PPP2R5C: variants seen among roughly 807,000 people sequenced by gnomAD.
PPP2R5C encodes protein phosphatase 2 regulatory subunit B'gamma, also known as serine/threonine-protein phosphatase 2A 56 kDa regulatory subunit gamma isoform.
Under a neutral mutation model 68.9 loss-of-function variants are expected in PPP2R5C, and 7 were observed. That is an observed-to-expected ratio of 0.10 (90% CI 0.06 to 0.19). PPP2R5C has a LOEUF of 0.19. Among genes scored for constraint, PPP2R5C ranks in the 10% least tolerant of loss-of-function variants. PPP2R5C has a pLI of 1.00. For missense variants in PPP2R5C, 348 were observed against 641.3 expected, an observed-to-expected ratio of 0.54 and a Z score of 4.94; for synonymous variants, 210 against 222.2, an observed-to-expected ratio of 0.95 and a Z score of 0.49.
At chr14:101,775,061 C>G (rs544302854) in intron 2 of PPP2R5C, among the ~76,000 whole-genome samples, 1 of 152,190 alleles carries the variant, frequency 6.6e-6, no homozygotes, top group Non-Finnish European at 1.5e-5. Flanking sequence ...GAATCCAAAT[C>G]GGGTTCAGCA....
intron 3 of PPP2R5C, among the ~76,000 whole-genome samples, chr14:101,789,391 G>A (rs2038260022): frequency 2.0e-5 from 3 of 152,310 alleles, no homozygotes; most frequent in South Asian, 4.1e-4. Context: ...GACTCTTCCC[G>A]GACCCATGCA....
chr14:101,925,310 C>A (rs746838961), exon 14 of PPP2R5C: 15 of 1,607,178 alleles, frequency 9.3e-6, no homozygotes, highest in Non-Finnish European at 1.1e-5. Flanking sequence ...CCCGCCAGTT[C>A]TTTTCCGGAT....
intron 8 of PPP2R5C, among the ~76,000 whole-genome samples, chr14:101,897,430 C>T (rs114833434): frequency 0.011 from 1,559 of 148,096 alleles, 28 homozygotes; most frequent in African/African-American, 0.036. Context: ...GACAGGATCT[C>T]GCTCTGTCAC....
At chr14:101,808,028 C>T (rs1019983404), upstream of PPP2R5C, among the ~76,000 whole-genome samples, 3 of 150,772 alleles carry the variant, frequency 2.0e-5, no homozygotes, top group Non-Finnish European at 4.4e-5. Flanking sequence ...TGCTCCTGGG[C>T]TCCTTCCTGA....
intron 3 of PPP2R5C, among the ~76,000 whole-genome samples, chr14:101,793,597 C>T (rs2140103319): frequency 6.6e-6 from 1 of 152,286 alleles, no homozygotes; most frequent in Middle Eastern, 3.4e-3. Flanking sequence ...TTCAGGGGTC[C>T]CTGTGATCCC....
At chr14:101,890,413 G>C in intron 6 of PPP2R5C, 117 bp downstream of exon 8, 1 of 960,926 alleles carries the variant, frequency 1.0e-6, no homozygotes, top group Non-Finnish European at 1.6e-6. Context: ...TTCTCTAAAA[G>C]AATTCAAATA....
At chr14:101,809,976 G>T (rs1185284111) in exon 1 of PPP2R5C, 1 of 1,613,926 alleles carries the variant, frequency 6.2e-7, no homozygotes, top group East Asian at 2.2e-5. Flanking sequence ...CAGCAGGATG[G>T]TGGTGGATGC....
At chr14:101,775,211 C>T (rs896933347) in intron 2 of PPP2R5C, among the ~76,000 whole-genome samples, 4 of 152,138 alleles carry the variant, frequency 2.6e-5, no homozygotes, top group Non-Finnish European at 4.4e-5. Flanking sequence ...CGGCCCTGCC[C>T]AACTGAACAA....
At chr14:101,904,236 G>A (rs2045890667) in intron 9 of PPP2R5C, among the ~76,000 whole-genome samples, 1 of 152,096 alleles carries the variant, frequency 6.6e-6, no homozygotes, top group Non-Finnish European at 1.5e-5. Context: ...TGCAACCTCT[G>A]CCTCCCAGGT....
Position 101,762,666 on chromosome 14 carries a change from T to A in PPP2R5C, c.28-239T>A, listed in dbSNP as rs534672907. Among the ~76,000 whole-genome samples, 71 of 152,142 alleles carry A rather than the reference T, an allele frequency of 4.7e-4. 1 individual carries two copies. Among genetic ancestry groups the A allele is most frequent in the Non-Finnish European group, 9.3e-4 (63 of 68,024 alleles). The stretch of plus-strand genomic sequence containing the variant: ...ACTGTATAAAATTGGATTTATCTGT[T>A]TTCTGCTTGAAGTTTTCAACCTCAA... On this transcript the variant is annotated intron_variant, in intron 1 of 14. Coordinates refer to the PPP2R5C transcript ENST00000328724.
chr14:101,789,515 A>G lies in PPP2R5C; in HGVS notation c.259+3332A>G, dbSNP rs745743845. Among the ~76,000 whole-genome samples, 31 of 152,024 alleles carry G rather than the reference A, an allele frequency of 2.0e-4. 1 individual carries two copies. Among genetic ancestry groups the G allele is most frequent in the Admixed American group, 7.9e-4 (12 of 15,278 alleles). On this transcript the variant is annotated intron_variant, in intron 3 of 14. Transcript: ENST00000328724. ...ACTATTATAATTGCTGTGTTGACAG[A>G]TTTTTCTGGTTTTGAAATATCTTTG...
chr14:101,926,750 G>A (rs563948198), exon 14 of PPP2R5C: 1 of 152,304 alleles, frequency 6.6e-6, no homozygotes, highest in South Asian at 2.1e-4. Context: ...ATAGTGAGAA[G>A]CAGACACTGC....
At chr14:101,858,083 G>A (rs769938393) in intron 2 of PPP2R5C, among the ~76,000 whole-genome samples, 3 of 152,142 alleles carry the variant, frequency 2.0e-5, no homozygotes, top group Non-Finnish European at 4.4e-5. Context: ...GACTACAAAG[G>A]CCATGCGGGT....
intron 1 of PPP2R5C, among the ~76,000 whole-genome samples, chr14:101,838,826 T>A (rs554963610): frequency 1.2e-4 from 18 of 151,796 alleles, no homozygotes; most frequent in Admixed American, 8.5e-4. Flanking sequence ...GGCGGATTGC[T>A]TGATGTCAGG....
In PPP2R5C at chr14:101,813,902, C is replaced by T. The variant is rs1181079812; in HGVS notation, c.94+3866C>T. Among the ~76,000 whole-genome samples the T allele has an allele frequency of 3.9e-5, 6 of 152,296 alleles. No homozygotes were observed. The East Asian group carries it at 1.2e-3, about 29-fold the overall frequency. ...ATTTTCTCACAAGTACTTCCTGAGT[C>T]ACCAATTTGTTGAAGGTCTTCACCT... On this transcript the variant is annotated intron_variant, in intron 1 of 13. Coordinates refer to ENST00000334743, the Ensembl canonical transcript of PPP2R5C.
At chr14:101,796,254 G>A (rs561185266) in intron 3 of PPP2R5C, among the ~76,000 whole-genome samples, 38 of 152,350 alleles carry the variant, frequency 2.5e-4, no homozygotes, top group African/African-American at 8.9e-4. Context: ...AATGGACTGT[G>A]CGGAAGTTAT....
At chr14:101,892,657 G>A (rs1489720841) in intron 6 of PPP2R5C, among the ~76,000 whole-genome samples, 1 of 152,034 alleles carries the variant, frequency 6.6e-6, no homozygotes, top group African/African-American at 2.4e-5. Flanking sequence ...TATATAGGAA[G>A]AATCCTCGGA....
intron 3 of PPP2R5C, among the ~76,000 whole-genome samples, chr14:101,792,990 G>A (rs1381214101): frequency 6.6e-6 from 1 of 151,500 alleles, no homozygotes; most frequent in Admixed American, 6.6e-5. Context: ...TGATTCTCCT[G>A]CCTCAGCCTC....
At chr14:101,860,454 A>G (rs2403002) in intron 2 of PPP2R5C, among the ~76,000 whole-genome samples, 10,220 of 152,266 alleles carry the variant, frequency 0.067, 445 homozygotes, top group East Asian at 0.15. Flanking sequence ...TGGACACTAT[A>G]TTATGTCCAT....
Sources: gnomAD v4.1 joint callset for allele counts (sites outside exome capture counted in the v4.1 genomes callset) on GRCh38, gnomAD v4.1.1 for gene constraint, MANE v1.5 for transcripts, NCBI Gene and HGNC (gene_info 2026-07-23, HGNC 2026-07-21) for gene names.